The following UNC13C variants were observed in gnomAD, a reference collection of about 807,000 sequenced individuals.
UNC13C encodes the protein protein unc-13 homolog C.
UNC13C carries 174 observed loss-of-function variants against 245.4 expected under a neutral mutation model. The observed-to-expected ratio is 0.71, with a 90% CI of 0.63 to 0.80. The LOEUF (loss-of-function observed/expected upper bound fraction) is 0.80, where lower values mean the gene tolerates loss of function less well. Among genes scored for constraint, UNC13C ranks in the 30% least tolerant of loss-of-function variants. The pLI is 0.00. For synonymous variants in UNC13C, 992 were observed against 895.1 expected (o/e 1.11, Z -1.93); for missense variants, 2,829 against 2,602.9 (o/e 1.09, Z -1.89).
At chr15:54,126,875 C>A (rs962157082) in intron 2 of UNC13C, among the ~76,000 whole-genome samples, 1 of 151,970 alleles carries the variant, frequency 6.6e-6, no homozygotes, top group South Asian at 2.1e-4. Context: ...AAAAAACAAC[C>A]CCATCAAAGA....
chr15:54,417,050 T>G (rs897829302), intron 19 of UNC13C: 4 of 442,942 alleles, frequency 9.0e-6, no homozygotes, highest in East Asian at 7.0e-5. Flanking sequence ...AGGAATAAAC[T>G]TATTTTAATC....
intron 22 of UNC13C, among the ~76,000 whole-genome samples, chr15:54,505,900 C>T (rs1048615294): frequency 6.6e-6 from 1 of 151,994 alleles, no homozygotes; most frequent in African/African-American, 2.4e-5. Flanking sequence ...TTCCTTGTCT[C>T]TAAGCATAAA....
At chr15:54,428,687 C>T (rs980944216) in intron 19 of UNC13C, among the ~76,000 whole-genome samples, 1 of 151,584 alleles carries the variant, frequency 6.6e-6, no homozygotes, top group African/African-American at 2.4e-5. Flanking sequence ...ACACGTGTTG[C>T]ATGAGTAAAT....
At chr15:54,504,911 C>G (rs969354336) in intron 22 of UNC13C, among the ~76,000 whole-genome samples, 8 of 152,082 alleles carry the variant, frequency 5.3e-5, no homozygotes, top group Non-Finnish European at 1.2e-4. Flanking sequence ...TAATTGATGG[C>G]CGTCCCACTC....
intron 2 of UNC13C, among the ~76,000 whole-genome samples, chr15:54,107,999 C>T (rs141909026): frequency 1.7e-3 from 262 of 152,138 alleles, no homozygotes; most frequent in African/African-American, 6.0e-3. Context: ...GACTTTGAGG[C>T]CACAGTTTGT....
chr15:54,401,408 A>G (rs944125111), intron 18 of UNC13C, among the ~76,000 whole-genome samples: 1 of 152,140 alleles, frequency 6.6e-6, no homozygotes, highest in Non-Finnish European at 1.5e-5. Context: ...AACTCCTCCT[A>G]CACACCCTTG....
chr15:54,476,965 G>A (rs1385956664), intron 19 of UNC13C, among the ~76,000 whole-genome samples: 1 of 136,628 alleles, frequency 7.3e-6, no homozygotes, highest in Non-Finnish European at 1.6e-5. Context: ...CCATTTGTTT[G>A]TATCCTCTTT....
At chr15:54,432,289 G>A (rs2040887898) in intron 19 of UNC13C, among the ~76,000 whole-genome samples, 1 of 151,486 alleles carries the variant, frequency 6.6e-6, no homozygotes, top group African/African-American at 2.4e-5. Context: ...ATGAGTGTGT[G>A]GTGTTAGAAA....
intron 19 of UNC13C, among the ~76,000 whole-genome samples, chr15:54,426,311 C>T (rs2040758270): frequency 6.7e-6 from 1 of 148,202 alleles, no homozygotes. Flanking sequence ...GAAGGTTCTG[C>T]TTCCATATTA....
intron 30 of UNC13C, among the ~76,000 whole-genome samples, chr15:54,594,280 C>T (rs1898949939): frequency 6.6e-6 from 1 of 152,108 alleles, no homozygotes; most frequent in South Asian, 2.1e-4. Context: ...TGGCTGAAAG[C>T]TCTTTTTTTG....
intron 1 of UNC13C, among the ~76,000 whole-genome samples, chr15:54,003,872 A>G (rs552713470): frequency 1.1e-4 from 17 of 152,158 alleles, no homozygotes; most frequent in African/African-American, 3.6e-4. Context: ...ATTCATTGGC[A>G]TGGTGGCAGG....
At chr15:54,518,013 A>C (rs1895054772) in intron 24 of UNC13C, among the ~76,000 whole-genome samples, 3 of 152,152 alleles carry the variant, frequency 2.0e-5, no homozygotes, top group Non-Finnish European at 2.9e-5. Context: ...CCCAGATAAT[A>C]AGGAGAATTG....
At chr15:53,944,114 T>C in the UNC13C span, among the ~76,000 whole-genome samples, 2 of 152,182 alleles carry the variant, frequency 1.3e-5, no homozygotes, top group African/African-American at 4.8e-5. Context: ...TAACACTTAA[T>C]ATAATTATTT....
intron 7 of UNC13C, among the ~76,000 whole-genome samples, chr15:54,246,876 C>G (rs780981293): frequency 1.3e-5 from 2 of 152,012 alleles, no homozygotes; most frequent in South Asian, 2.1e-4. Flanking sequence ...ATGTAACCTG[C>G]GCATCCTGCA....
At chr15:53,902,385 G>C in the UNC13C span, among the ~76,000 whole-genome samples, 1 of 152,150 alleles carries the variant, frequency 6.6e-6, no homozygotes, top group African/African-American at 2.4e-5. Flanking sequence ...GGCAGTAGTG[G>C]AAGAGAAAGA....
intron 8 of UNC13C, among the ~76,000 whole-genome samples, chr15:54,262,099 T>C (rs1251708471): frequency 6.6e-6 from 1 of 152,218 alleles, no homozygotes; most frequent in Admixed American, 6.5e-5. Flanking sequence ...AGAAGTCTGA[T>C]TCCTTTAGAT....
chr15:54,581,575 T>A (rs1898205548), intron 30 of UNC13C, among the ~76,000 whole-genome samples: 2 of 152,212 alleles, frequency 1.3e-5, no homozygotes, highest in African/African-American at 2.4e-5. Context: ...ACTAATCCCA[T>A]CAGGCCAGGG....
At chr15:54,564,040 C>T (rs1897403148) in intron 29 of UNC13C, among the ~76,000 whole-genome samples, 1 of 152,008 alleles carries the variant, frequency 6.6e-6, no homozygotes, top group South Asian at 2.1e-4. Context: ...TTTGCATTTG[C>T]ATAACCATAG....
At chr15:54,280,387 G>A (rs1363903407) in intron 10 of UNC13C, among the ~76,000 whole-genome samples, 1 of 151,576 alleles carries the variant, frequency 6.6e-6, no homozygotes, top group Non-Finnish European at 1.5e-5. Context: ...GTAGATACAT[G>A]TATCTACTTT....
Sources: allele counts gnomAD v4.1 joint callset (sites outside exome capture counted in the v4.1 genomes callset), GRCh38; gene constraint gnomAD v4.1.1; transcripts MANE v1.5; gene names NCBI Gene and HGNC (gene_info 2026-07-23, HGNC 2026-07-21).